Variants in NLRP1 observed in about 807,000 individuals in gnomAD.
NLRP1 encodes NACHT, LRR and PYD domains-containing protein 1.
Under a neutral mutation model 136.7 loss-of-function variants are expected in NLRP1, and 94 were observed. The ratio of observed to expected loss-of-function variants is 0.69; its 90% CI spans 0.58 to 0.82. NLRP1 has a LOEUF of 0.82. NLRP1 is among the 40% of genes least tolerant of loss of function. The probability of loss-of-function intolerance (pLI) is 0.00; values close to 1 mark genes in which losing one functional copy is unlikely to be tolerated. For missense variants in NLRP1, 1,575 were observed against 1,802.7 expected, an observed-to-expected ratio of 0.87 and a Z score of 2.29; for synonymous variants, 690 against 725.1, an observed-to-expected ratio of 0.95 and a Z score of 0.78.
At chr17:5,538,061 G>A (rs915932109) in intron 7 of NLRP1, among the ~76,000 whole-genome samples, 1 of 152,202 alleles carries the variant, frequency 6.6e-6, no homozygotes, top group Admixed American at 6.5e-5. Context: ...AGGTTTGGGA[G>A]GCCTGGCTGA....
intron 15 of NLRP1, among the ~76,000 whole-genome samples, chr17:5,516,124 C>A (rs1221388421): frequency 6.9e-6 from 1 of 145,700 alleles, no homozygotes; most frequent in Non-Finnish European, 1.5e-5. Context: ...CTCGCATGTA[C>A]AAGGCCTGAG....
chr17:5,568,099 C>T (rs1915514003), intron 3 of NLRP1, among the ~76,000 whole-genome samples: 1 of 152,044 alleles, frequency 6.6e-6, no homozygotes, highest in South Asian at 2.1e-4. Flanking sequence ...ATATCTTTCC[C>T]TAGGTTTGGG....
chr17:5,501,730 G>A lies in NLRP1; in HGVS notation c.*84C>T, dbSNP rs1396322409. On this transcript the variant is annotated 3_prime_UTR_variant, in exon 16 of 16. Coordinates refer to the NLRP1 transcript ENST00000262467. ...CTGCCTCACCTAAGCCCATTTCTCA[G>A]ACCCACCTGCGGTCTACTCAGGCCT... 3.6e-6 allele frequency: 4 copies of A among 1,098,636 alleles called. No individual in the cohort carries two copies. The African/African-American group carries it at 6.2e-5, about 17-fold the overall frequency. The allele number at this position is 1,098,636 out of a possible 1,614,324, so 68.1% of individuals were successfully genotyped here.
chr17:5,506,706 A>G (rs889174367), intron 15 of NLRP1, among the ~76,000 whole-genome samples: 9 of 150,534 alleles, frequency 6.0e-5, no homozygotes, highest in Non-Finnish European at 1.0e-4. Flanking sequence ...AGCCTGGCCA[A>G]CATGGTGAAA....
chr17:5,582,195 G>C, intron 2 of NLRP1, 133 bp from the exon 3 acceptor site: 1 of 781,808 alleles, frequency 1.3e-6, no homozygotes, highest in Non-Finnish European at 2.0e-6. Context: ...TGTTGAAGTA[G>C]AGGGGCAATT....
downstream of NLRP1, chr17:5,512,366 C>T (rs1907696313): frequency 1.5e-5 from 18 of 1,212,476 alleles, no homozygotes; most frequent in Middle Eastern, 1.9e-4. Flanking sequence ...ATTTCGTGAT[C>T]TGTGGACCCA....
chr17:5,543,609 T>A (rs1345458574), intron 5 of NLRP1, among the ~76,000 whole-genome samples: 19 of 150,828 alleles, frequency 1.3e-4, no homozygotes, highest in Non-Finnish European at 2.5e-4. Flanking sequence ...TGAGCTGAGA[T>A]CATGCCACTG....
At chr17:5,523,811 A>C (rs1420062686) in intron 12 of NLRP1, among the ~76,000 whole-genome samples, 1 of 152,264 alleles carries the variant, frequency 6.6e-6, no homozygotes. Flanking sequence ...CCATTACTTA[A>C]GTTTTGTCAT....
exon 16 of NLRP1, chr17:5,501,624 C>G: frequency 1.8e-6 from 1 of 547,786 alleles, no homozygotes; most frequent in Non-Finnish European, 3.3e-6. Context: ...CCTGTTTTCT[C>G]TTCTTGCTCT....
rs1011482474 is a variant in NLRP1, at chr17:5,541,026, G to A, written c.2699+831C>T. Among the ~76,000 whole-genome samples the A allele has an allele frequency of 3.3e-5, 5 of 152,118 alleles. No homozygotes were observed. Among genetic ancestry groups the A allele is most frequent in the South Asian group, 2.1e-4 (1 of 4,822 alleles). ...GGAGGCCCAGCAGGACCAGGGAGAG[G>A]TAACTATGCACTCTTGTTTCTTTTC... On this transcript the variant is annotated intron_variant, in intron 6 of 16. Coordinates refer to ENST00000572272, the MANE Select transcript of NLRP1 (RefSeq NM_033004.4). The surrounding 1 kb of genome is among the most constrained non-coding windows in gnomAD (Gnocchi z 4.2).
intron 7 of NLRP1, among the ~76,000 whole-genome samples, chr17:5,538,101 C>A (rs1052704718): frequency 2.0e-5 from 3 of 152,194 alleles, no homozygotes; most frequent in Non-Finnish European, 4.4e-5. Flanking sequence ...CTTCCCGGAC[C>A]CCCTCTGAGA....
chr17:5,554,080 G>A (rs1270590543), intron 4 of NLRP1, among the ~76,000 whole-genome samples: 2 of 151,652 alleles, frequency 1.3e-5, no homozygotes, highest in African/African-American at 4.9e-5. Context: ...AGCAGAGCCT[G>A]GGAGAGATGG....
In NLRP1 at chr17:5,556,111, TCTCTAC is replaced by T. The variant is rs1567657871; in HGVS notation, c.2357+2222_2357+2227del. Among the ~76,000 whole-genome samples, 232 of 131,394 alleles carry T rather than the reference TCTCTAC, an allele frequency of 1.8e-3. 1 individual carries two copies. The highest frequency in any genetic ancestry group is 5.6e-3 in the African/African-American group (194 of 34,396). The allele number at this position is 131,394 out of a possible 152,430, so 86.2% of individuals were successfully genotyped here. A position where few individuals can be genotyped will look rare whatever the true frequency, so the allele number is the denominator to read the frequency against. ...CTGTCTGTCTCTGTCTCTGTCTCTCTCTCTACACACACACACACACACACACACACA... is the reference window on the plus strand; with the variant it reads ...CTGTCTGTCTCTGTCTCTGTCTCTCTACACACACACACACACACACACACA... On this transcript the variant is annotated intron_variant, in intron 4 of 16. Coordinates refer to ENST00000572272, the MANE Select transcript of NLRP1 (RefSeq NM_033004.4).
chr17:5,533,803 A>T, intron 9 of NLRP1, 94 bp downstream of exon 9: 1 of 836,288 alleles, frequency 1.2e-6, no homozygotes. Context: ...GCCCCGTCCC[A>T]CATCAGGGGC....
intron 3 of NLRP1, among the ~76,000 whole-genome samples, chr17:5,573,104 G>A (rs138886421): frequency 0.054 from 8,214 of 152,204 alleles, 455 homozygotes; most frequent in African/African-American, 0.14. Context: ...CTGGAAAATT[G>A]GGTCACTCCC....
intron 14 of NLRP1, among the ~76,000 whole-genome samples, chr17:5,520,605 C>G: frequency 6.6e-6 from 1 of 152,216 alleles, no homozygotes; most frequent in Non-Finnish European, 1.5e-5. Flanking sequence ...TCCTGGTGGT[C>G]TGGACTGAAG....
intron 5 of NLRP1, among the ~76,000 whole-genome samples, chr17:5,544,383 C>T (rs1357046477): frequency 1.3e-5 from 2 of 152,180 alleles, no homozygotes; most frequent in South Asian, 4.1e-4. Flanking sequence ...CCTGGCAATA[C>T]CCTGGAGGGT....
chr17:5,513,892 T>C (rs1310908610), downstream of NLRP1, among the ~76,000 whole-genome samples: 1 of 152,212 alleles, frequency 6.6e-6, no homozygotes, highest in African/African-American at 2.4e-5. Context: ...TTTAATACAT[T>C]AGCATACTAA....
At chr17:5,574,017 G>A (rs1904728438) in intron 3 of NLRP1, among the ~76,000 whole-genome samples, 1 of 152,184 alleles carries the variant, frequency 6.6e-6, no homozygotes, top group South Asian at 2.1e-4. Flanking sequence ...CCGAGCTAAA[G>A]GAGGAAGTTC....
Sources: allele counts gnomAD v4.1 joint callset (sites outside exome capture counted in the v4.1 genomes callset), GRCh38; gene constraint gnomAD v4.1.1; non-coding constraint Gnocchi (gnomAD v3.1); transcripts MANE v1.5; gene names NCBI Gene and HGNC (gene_info 2026-07-23, HGNC 2026-07-21).